Variants in ELMO1 observed in about 807,000 individuals in gnomAD.
The protein encoded by ELMO1 is engulfment and cell motility protein 1.
A neutral mutation model predicts 98.9 loss-of-function variants in ELMO1; 26 were observed. That is an observed-to-expected ratio of 0.26 (90% CI 0.19 to 0.36). The LOEUF (loss-of-function observed/expected upper bound fraction) is 0.36. Ranked by LOEUF, ELMO1 falls within the 10% of genes least tolerant of loss-of-function variation. ELMO1 has a pLI of 1.00. For synonymous variants in ELMO1, 346 were observed against 346.0 expected (o/e 1.00, Z 0.00); for missense variants, 627 against 935.2 (o/e 0.67, Z 4.30).
At chr7:36,979,900 G>C (rs1047745918) in intron 16 of ELMO1, among the ~76,000 whole-genome samples, 9 of 152,160 alleles carry the variant, frequency 5.9e-5, no homozygotes, top group African/African-American at 2.2e-4. Flanking sequence ...TTCCAACCAG[G>C]CAAGTGGACG....
At position 36,855,771 on chromosome 7, in the gene ELMO1, C is replaced by T. The variant is rs1802151452; in HGVS notation, c.1984-20G>A. 6.2e-7 allele frequency: 1 copy of T among 1,613,654 alleles called. No individual in the cohort carries two copies. The highest frequency in any genetic ancestry group is 1.3e-5 in the African/African-American group (1 of 75,018). On this transcript the variant is annotated intron_variant, in intron 21 of 21. Coordinates refer to ENST00000310758, the MANE Select transcript of ELMO1 (RefSeq NM_014800.11). This position sits in a 1 kb window ranked among gnomAD's most constrained non-coding sequence, Gnocchi z 4.2. Reference sequence around the variant, plus strand: ...ACAGTACTGGCAGGAAGGGAGGCAACAGCGATCATTACTGGTGGCAATTAC... The same window carrying T: ...ACAGTACTGGCAGGAAGGGAGGCAATAGCGATCATTACTGGTGGCAATTAC...
intron 19 of ELMO1, among the ~76,000 whole-genome samples, chr7:36,875,953 T>C (rs904756344): frequency 6.6e-6 from 1 of 152,202 alleles, no homozygotes; most frequent in Non-Finnish European, 1.5e-5. Flanking sequence ...CTAAACACTA[T>C]GTCCTGTTAG....
intron 15 of ELMO1, among the ~76,000 whole-genome samples, chr7:37,036,632 G>T (rs2129190491): frequency 6.6e-6 from 1 of 152,272 alleles, no homozygotes; most frequent in East Asian, 1.9e-4. Flanking sequence ...TCCCAACTCA[G>T]ATTCCCAAAG....
At position 37,127,036 on chromosome 7, in the gene ELMO1, C is replaced by G. The variant is rs1786572626; in HGVS notation, c.1191+6094G>C. Among the ~76,000 whole-genome samples, 4 of 152,154 alleles carry G rather than the reference C, an allele frequency of 2.6e-5. No homozygotes were observed. In the South Asian group the frequency reaches 8.3e-4, roughly 32 times the overall value. ...ACTTTTTTAGAGCCTGGGATTAATG[C>G]ACAGTTTGCTTCTGTCTCACTGTAA... On this transcript the variant is annotated intron_variant, in intron 14 of 21. Coordinates refer to ENST00000310758, the MANE Select transcript of ELMO1 (RefSeq NM_014800.11).
intron 6 of ELMO1, among the ~76,000 whole-genome samples, chr7:37,253,727 A>AAG (rs1795485809): frequency 6.6e-6 from 1 of 151,794 alleles, no homozygotes. Flanking sequence ...AAGTAAAAAA[A>AAG]AAAAAAAAAC....
At chr7:37,441,566 A>G (rs1316375545) in intron 1 of ELMO1, among the ~76,000 whole-genome samples, 1 of 152,174 alleles carries the variant, frequency 6.6e-6, no homozygotes, top group East Asian at 1.9e-4. Context: ...CCACACAGAC[A>G]TTTCCTTTGT....
rs578189217 is a variant in ELMO1, at chr7:36,985,998, T to C, written c.1437+27301A>G. ...GCTGCCACCACAAAGCGACTTAGAGTCGTCCCCCTGAAGAACAATGTGCTG... is the reference window on the plus strand; with the variant it reads ...GCTGCCACCACAAAGCGACTTAGAGCCGTCCCCCTGAAGAACAATGTGCTG... On this transcript the variant is annotated intron_variant, in intron 16 of 21. Transcript: ENST00000310758. The C allele has an allele frequency of 3.9e-4, 386 of 1,002,548 alleles. 9 individuals carry two copies. In the South Asian group the frequency reaches 0.016, roughly 43 times the overall value. The allele number at this position is 1,002,548 out of a possible 1,614,324, so 62.1% of individuals were successfully genotyped here.
chr7:37,274,602 G>C (rs1796726601), intron 4 of ELMO1, among the ~76,000 whole-genome samples: 1 of 152,084 alleles, frequency 6.6e-6, no homozygotes, highest in Admixed American at 6.6e-5. Flanking sequence ...ACCTAGGCTG[G>C]AGTGCAGTGG....
At chr7:37,247,370 A>G (rs1383202422) in intron 6 of ELMO1, among the ~76,000 whole-genome samples, 1 of 152,198 alleles carries the variant, frequency 6.6e-6, no homozygotes, top group African/African-American at 2.4e-5. Flanking sequence ...AGGTCATTTC[A>G]GCAGCTACTA....
chr7:37,224,755 C>T, intron 9 of ELMO1, 124 bp downstream of exon 9: 4 of 1,401,572 alleles, frequency 2.9e-6, no homozygotes, highest in Middle Eastern at 2.6e-4. Context: ...TGGTTATATG[C>T]CAAATTGAGA....
chr7:36,958,952 T>C (rs1788701543), intron 16 of ELMO1, among the ~76,000 whole-genome samples: 1 of 152,094 alleles, frequency 6.6e-6, no homozygotes, highest in African/African-American at 2.4e-5. Flanking sequence ...GCTTTCTCTA[T>C]ATCTGCACTT....
At chr7:37,277,190 T>C (rs1255378460) in intron 4 of ELMO1, among the ~76,000 whole-genome samples, 1 of 152,244 alleles carries the variant, frequency 6.6e-6, no homozygotes, top group African/African-American at 2.4e-5. Flanking sequence ...CGCTGGGAAT[T>C]GGTCAGTGAC....
chr7:36,970,318 A>G (rs1047362321), intron 16 of ELMO1, among the ~76,000 whole-genome samples: 7 of 152,172 alleles, frequency 4.6e-5, no homozygotes, highest in African/African-American at 1.7e-4. Context: ...ACACACATGC[A>G]CGGCATTCTA....
chr7:37,236,201 ACTC>A (rs1794451309), intron 7 of ELMO1, among the ~76,000 whole-genome samples: 1 of 152,138 alleles, frequency 6.6e-6, no homozygotes, highest in African/African-American at 2.4e-5. Context: ...CTGTCTACAG[ACTC>A]CTCAGACAGA....
intron 15 of ELMO1, among the ~76,000 whole-genome samples, chr7:37,082,109 TTC>T (rs2129237372): frequency 6.6e-6 from 1 of 152,344 alleles, no homozygotes; most frequent in African/African-American, 2.4e-5. Flanking sequence ...GGTTCATTTC[TTC>T]CTCCATGTGT....
chr7:37,102,864 T>A (rs991862830), intron 14 of ELMO1, among the ~76,000 whole-genome samples: 3 of 152,156 alleles, frequency 2.0e-5, no homozygotes, highest in African/African-American at 7.2e-5. Context: ...GGGTGAAATA[T>A]TACAGTAATA....
Position 37,100,952 on chromosome 7 carries a change from G to A in ELMO1, c.1192-4225C>T, listed in dbSNP as rs187830450. Among the ~76,000 whole-genome samples, 18 of 152,360 alleles carry A rather than the reference G, an allele frequency of 1.2e-4. No homozygotes were observed. In the East Asian group the frequency reaches 3.3e-3, roughly 28 times the overall value. On this transcript the variant is annotated intron_variant, in intron 14 of 21. Transcript: ENST00000310758. Reference sequence around the variant, plus strand: ...AAAACCCAATTCATGGGACTGTCGTGCATATCAACTCACACAACAAAGGCA... The same window carrying A: ...AAAACCCAATTCATGGGACTGTCGTACATATCAACTCACACAACAAAGGCA...
At chr7:37,107,224 G>A (rs1397376871) in intron 14 of ELMO1, among the ~76,000 whole-genome samples, 1 of 152,192 alleles carries the variant, frequency 6.6e-6, no homozygotes, top group Non-Finnish European at 1.5e-5. Flanking sequence ...TTTGTAAGAT[G>A]GGCCAACTTT....
At chr7:37,149,658 G>T (rs143643165) in intron 13 of ELMO1, among the ~76,000 whole-genome samples, 1 of 152,140 alleles carries the variant, frequency 6.6e-6, no homozygotes, top group African/African-American at 2.4e-5. Flanking sequence ...CTTGCATATG[G>T]CTCACAAAAC....
Sources: gnomAD v4.1 joint callset for allele counts (sites outside exome capture counted in the v4.1 genomes callset) on GRCh38, gnomAD v4.1.1 for gene constraint, Gnocchi (gnomAD v3.1) non-coding constraint, MANE v1.5 for transcripts, NCBI Gene and HGNC (gene_info 2026-07-23, HGNC 2026-07-21) for gene names.